SYT10: variants seen among roughly 807,000 people sequenced by gnomAD.
The protein encoded by SYT10 is synaptotagmin 10.
SYT10 carries 31 observed loss-of-function variants against 51.1 expected under a neutral mutation model. The observed-to-expected ratio is 0.61, with a 90% CI of 0.46 to 0.82. SYT10 has a LOEUF of 0.82. Among genes scored for constraint, SYT10 ranks in the 40% least tolerant of loss-of-function variants. SYT10 has a pLI of 0.00. For missense variants in SYT10, 603 were observed against 634.0 expected, an observed-to-expected ratio of 0.95 and a Z score of 0.53; for synonymous variants, 233 against 225.9, an observed-to-expected ratio of 1.03 and a Z score of -0.28.
intron 3 of SYT10, among the ~76,000 whole-genome samples, chr12:33,394,043 A>G (rs534774844): frequency 1.3e-5 from 2 of 152,308 alleles, no homozygotes; most frequent in Admixed American, 6.5e-5. Context: ...TCCTCCCTAT[A>G]TAAGTAGATT....
intron 3 of SYT10, among the ~76,000 whole-genome samples, chr12:33,398,650 T>C (rs1231438124): frequency 6.6e-6 from 1 of 152,218 alleles, no homozygotes; most frequent in Non-Finnish European, 1.5e-5. Flanking sequence ...TCCCTTATGA[T>C]ACTACTACTA....
chr12:33,415,395 A>T (rs776820921), intron 2 of SYT10, among the ~76,000 whole-genome samples: 9 of 152,196 alleles, frequency 5.9e-5, no homozygotes, highest in Non-Finnish European at 1.2e-4. Context: ...GCTCAAAGTC[A>T]TTTCTATGTG....
chr12:33,426,075 C>T, intron 2 of SYT10, 63 bp downstream of exon 2: 1 of 1,430,880 alleles, frequency 7.0e-7, no homozygotes, highest in East Asian at 2.4e-5. Flanking sequence ...CACACACACA[C>T]ACACACACAC....
intron 3 of SYT10, among the ~76,000 whole-genome samples, chr12:33,388,728 C>T (rs1011712080): frequency 6.6e-6 from 1 of 152,166 alleles, no homozygotes; most frequent in African/African-American, 2.4e-5. Context: ...TTTCTTCATG[C>T]TGGCTCCACC....
At chr12:33,378,673 A>G (rs1285002563) in intron 6 of SYT10, among the ~76,000 whole-genome samples, 1 of 152,222 alleles carries the variant, frequency 6.6e-6, no homozygotes, top group Non-Finnish European at 1.5e-5. Context: ...AAAGAATACT[A>G]ATTATACAAT....
At position 33,406,951 on chromosome 12, in the gene SYT10, T is replaced by C. The variant is rs1272179973; in HGVS notation, c.915A>G (p.Ala305=). Residue 305 remains alanine (A), a synonymous_variant, in exon 3 of 7, where the codon GCA becomes GCG. Transcript: ENST00000228567. ...GTTTTCGGTTGCTTAGTTGATCATA[T>C]GCTACAGGAAATTGAAAAGTTTCAT... The part of the protein sequence containing the change: ...LFDETFQFPV[A]YDQLSNRKLH... 2 of 1,614,004 alleles carry C rather than the reference T, an allele frequency of 1.2e-6. No individual in the cohort carries two copies. Among genetic ancestry groups the C allele is most frequent in the African/African-American group, 2.7e-5 (2 of 74,940 alleles).
intron 3 of SYT10, among the ~76,000 whole-genome samples, chr12:33,389,749 C>G (rs568380914): frequency 2.6e-5 from 4 of 152,186 alleles, no homozygotes; most frequent in Admixed American, 2.6e-4. Flanking sequence ...GGTAAGAAAA[C>G]AGATGATTTT....
In SYT10 at chr12:33,382,471, CT is replaced by C; in HGVS notation, c.1247del (p.Lys416ArgfsTer11). On this transcript the variant is annotated frameshift_variant, in exon 5 of 7. Transcript: ENST00000228567. LOFTEE classifies it high-confidence loss of function. ...SLMCEGRRLK[K>X]RKTTTKKNTL... is the part of the protein sequence containing the mutation. ...TGTTTTTCTTTGTAGTTGTTTTCCT[CT>C]TTTTTAATCTTCGACCTTCACACAT... 6.2e-7 allele frequency: 1 copy of C among 1,613,068 alleles called. No homozygotes were observed. The highest frequency in any genetic ancestry group is 8.5e-7 in the Non-Finnish European group (1 of 1,179,480).
chr12:33,376,924 T>A lies in SYT10; in HGVS notation c.1501-23A>T, dbSNP rs745366099. ...TAACTGAAAGACAAAAATTTCATAATGTATGATCTAGTACAGAAATAGAAC... is the reference window on the plus strand; with the variant it reads ...TAACTGAAAGACAAAAATTTCATAAAGTATGATCTAGTACAGAAATAGAAC... On this transcript the variant is annotated intron_variant, in intron 6 of 6. Coordinates refer to ENST00000228567, the MANE Select transcript of SYT10 (RefSeq NM_198992.4). 7 of 1,612,620 alleles carry A rather than the reference T, an allele frequency of 4.3e-6. No homozygotes were observed. The Admixed American group carries it at 1.2e-4, about 27-fold the overall frequency.
At chr12:33,419,624 A>G (rs558184145) in intron 2 of SYT10, among the ~76,000 whole-genome samples, 43 of 152,322 alleles carry the variant, frequency 2.8e-4, no homozygotes, top group African/African-American at 9.6e-4. Context: ...CTACTGTGCT[A>G]AGGAGGCAAT....
At chr12:33,394,896 G>A (rs558617835) in intron 3 of SYT10, among the ~76,000 whole-genome samples, 2 of 152,290 alleles carry the variant, frequency 1.3e-5, no homozygotes, top group South Asian at 4.1e-4. Context: ...GACCATCCTG[G>A]CTAACATGGT....
chr12:33,392,969 T>C (rs192600838), intron 3 of SYT10, among the ~76,000 whole-genome samples: 1,816 of 111,810 alleles, frequency 0.016, 24 homozygotes, highest in Non-Finnish European at 0.024. Context: ...GCAAAAATAA[T>C]TGTGGTTTTT....
chr12:33,403,358 A>G (rs1323583737), intron 3 of SYT10, among the ~76,000 whole-genome samples: 1 of 151,538 alleles, frequency 6.6e-6, no homozygotes, highest in Non-Finnish European at 1.5e-5. Flanking sequence ...CAGCCTCCCA[A>G]ATAGCTGGGA....
At chr12:33,418,814 TTC>T (rs750731853) in intron 2 of SYT10, among the ~76,000 whole-genome samples, 13 of 152,190 alleles carry the variant, frequency 8.5e-5, no homozygotes, top group Non-Finnish European at 1.6e-4. Flanking sequence ...TTAGTGGACT[TTC>T]TGCTTCTATC....
intron 1 of SYT10, 132 bp downstream of exon 1, chr12:33,439,240 G>A (rs1267873784): frequency 7.6e-6 from 9 of 1,180,716 alleles, no homozygotes; most frequent in Admixed American, 7.5e-5. Flanking sequence ...GAAGGAAGGA[G>A]CGAGGTAGGA....
intron 2 of SYT10, among the ~76,000 whole-genome samples, chr12:33,416,255 G>A (rs1441009997): frequency 6.6e-6 from 1 of 151,656 alleles, no homozygotes; most frequent in Non-Finnish European, 1.5e-5. Flanking sequence ...TGATTTTTTT[G>A]TATTTTTAGT....
chr12:33,386,435 G>C (rs1866157255), intron 3 of SYT10, among the ~76,000 whole-genome samples: 2 of 152,066 alleles, frequency 1.3e-5, no homozygotes, highest in East Asian at 3.9e-4. Flanking sequence ...GTGTGTGCAT[G>C]TGTGTGTGTT....
At chr12:33,421,678 G>A (rs527634513) in intron 2 of SYT10, among the ~76,000 whole-genome samples, 1 of 152,208 alleles carries the variant, frequency 6.6e-6, no homozygotes, top group Admixed American at 6.5e-5. Flanking sequence ...GGTTACACAC[G>A]CTTAGATGCT....
rs1027393340 is a variant in SYT10, at chr12:33,376,205, T to C, written c.*625A>G. 2.6e-5 allele frequency: 4 copies of C among 152,220 alleles called. No homozygotes were observed. Among genetic ancestry groups the C allele is most frequent in the African/African-American group, 9.6e-5 (4 of 41,458 alleles). 9.4% of individuals were successfully genotyped at this position (152,220 alleles called of 1,614,324 possible). ...CTTCTTAAATTTATATTCAAAATGA[T>C]TCTTTAAATTTACAGCTTTGTCTAT... On this transcript the variant is annotated 3_prime_UTR_variant, in exon 7 of 7. Coordinates refer to ENST00000228567, the MANE Select transcript of SYT10 (RefSeq NM_198992.4).
Sources: gnomAD v4.1 joint callset for allele counts (sites outside exome capture counted in the v4.1 genomes callset) on GRCh38, gnomAD v4.1.1 for gene constraint, MANE v1.5 for transcripts, NCBI Gene and HGNC (gene_info 2026-07-23, HGNC 2026-07-21) for gene names.